The following PDZRN4 variants were observed in gnomAD, a reference collection of about 807,000 sequenced individuals.
PDZRN4 encodes PDZ domain-containing RING finger protein 4.
In PDZRN4, 70 loss-of-function variants were observed where a neutral mutation model predicts 99.0. The ratio of observed to expected loss-of-function variants is 0.71; its 90% CI spans 0.58 to 0.86. PDZRN4 has a LOEUF of 0.86. PDZRN4 is among the 40% of genes least tolerant of loss of function. The pLI, the probability that PDZRN4 is intolerant of heterozygous loss-of-function variation, is 0.00. For synonymous variants in PDZRN4, 551 were observed against 501.6 expected (o/e 1.10, Z -1.32); for missense variants, 1,474 against 1,331.2 (o/e 1.11, Z -1.67).
intron 5 of PDZRN4, among the ~76,000 whole-genome samples, chr12:41,542,470 C>T (rs958430726): frequency 6.6e-6 from 1 of 152,206 alleles, no homozygotes; most frequent in African/African-American, 2.4e-5. Context: ...ACAAACGAAG[C>T]TCTCCACCTT....
chr12:41,544,315 A>C (rs1465864256), intron 5 of PDZRN4, among the ~76,000 whole-genome samples: 7 of 152,196 alleles, frequency 4.6e-5, no homozygotes, highest in Admixed American at 3.9e-4. Flanking sequence ...GGTCACATCT[A>C]TTGTTTGTAC....
chr12:41,280,263 G>A (rs551219539), intron 3 of PDZRN4, among the ~76,000 whole-genome samples: 2 of 152,264 alleles, frequency 1.3e-5, no homozygotes, highest in African/African-American at 4.8e-5. Context: ...CAGGGCCCTG[G>A]GTTTCTAGCA....
At chr12:41,288,072 A>G (rs780870707) in intron 3 of PDZRN4, among the ~76,000 whole-genome samples, 59 of 152,198 alleles carry the variant, frequency 3.9e-4, no homozygotes, top group Non-Finnish European at 2.6e-4. Context: ...ATACAACAAT[A>G]TGTTACAAAT....
chr12:41,434,201 A>G (rs540803086), intron 3 of PDZRN4, among the ~76,000 whole-genome samples: 1 of 152,258 alleles, frequency 6.6e-6, no homozygotes, highest in Admixed American at 6.5e-5. Context: ...TGAAACTGGA[A>G]TATGCACCTG....
Position 41,188,638 on chromosome 12 carries a change from C to T in PDZRN4, c.183C>T (p.Pro61=). Residue 61 remains proline, a synonymous_variant, in exon 1 of 10, where the codon CCC becomes CCT. Coordinates refer to ENST00000402685, the MANE Select transcript of PDZRN4 (RefSeq NM_001164595.2). ...CGCTGCAGTGCCAGCCCTTGGCGCC[C>T]GGCGAGCTGTACCGGGTGCTGCCGC... is the stretch of plus-strand genomic sequence containing the variant. ...RCPLQCQPLA[P]GELYRVLPLR... The T allele has an allele frequency of 1.3e-6, 2 of 1,541,172 alleles. No individual in the cohort carries two copies. Among genetic ancestry groups the T allele is most frequent in the Non-Finnish European group, 1.7e-6 (2 of 1,150,684 alleles).
At chr12:41,565,610 A>G (rs1939355666) in intron 8 of PDZRN4, among the ~76,000 whole-genome samples, 1 of 152,032 alleles carries the variant, frequency 6.6e-6, no homozygotes, top group South Asian at 2.1e-4. Flanking sequence ...TAACGTTTCA[A>G]ATACTCTCTA....
At chr12:41,189,178 A>G (rs1346542359) in intron 1 of PDZRN4, 75 bp downstream of exon 1, 10 of 1,416,128 alleles carry the variant, frequency 7.1e-6, no homozygotes, top group Non-Finnish European at 9.6e-6. Flanking sequence ...CTGACGCTTC[A>G]GGATTCCTTT....
intron 3 of PDZRN4, among the ~76,000 whole-genome samples, chr12:41,480,385 T>A: frequency 6.6e-6 from 1 of 152,344 alleles, no homozygotes; most frequent in Middle Eastern, 3.4e-3. Context: ...TATCTATTTA[T>A]TATATTACGA....
intron 3 of PDZRN4, among the ~76,000 whole-genome samples, chr12:41,350,301 C>A (rs1951881189): frequency 6.6e-6 from 1 of 151,974 alleles, no homozygotes; most frequent in African/African-American, 2.4e-5. Context: ...TGAAGCAATT[C>A]CAGAGTTTAG....
At chr12:41,206,494 A>G (rs1950851618) in intron 3 of PDZRN4, among the ~76,000 whole-genome samples, 1 of 145,674 alleles carries the variant, frequency 6.9e-6, no homozygotes, top group African/African-American at 2.8e-5. Flanking sequence ...TACCATATTA[A>G]TAAATTATTA....
chr12:41,235,622 G>GA (rs1011662158), intron 3 of PDZRN4, among the ~76,000 whole-genome samples: 5 of 152,016 alleles, frequency 3.3e-5, no homozygotes, highest in African/African-American at 9.6e-5. Flanking sequence ...ATGTTTTTTA[G>GA]AAAAAAATAG....
intron 5 of PDZRN4, among the ~76,000 whole-genome samples, chr12:41,524,847 T>A (rs1938545741): frequency 6.6e-6 from 1 of 152,112 alleles, no homozygotes; most frequent in East Asian, 1.9e-4. Context: ...AAGAGGTGAT[T>A]GTGTTAATTC....
chr12:41,234,112 A>G lies in PDZRN4; in HGVS notation c.843+39924A>G, dbSNP rs545901271. ...TCAAAAAAGCCAACCTTTGGAAAGCATCTGCTTGATAATATATATTGATAG... is the reference window on the plus strand; with the variant it reads ...TCAAAAAAGCCAACCTTTGGAAAGCGTCTGCTTGATAATATATATTGATAG... On this transcript the variant is annotated intron_variant, in intron 3 of 9. Coordinates refer to ENST00000402685, the MANE Select transcript of PDZRN4 (RefSeq NM_001164595.2). Among the ~76,000 whole-genome samples, 237 of 152,104 alleles carry G rather than the reference A, an allele frequency of 1.6e-3. 2 individuals are homozygous for G. The highest frequency in any genetic ancestry group is 5.6e-3 in the African/African-American group (231 of 41,514).
At chr12:41,430,284 A>G (rs889261862) in intron 3 of PDZRN4, among the ~76,000 whole-genome samples, 8 of 152,140 alleles carry the variant, frequency 5.3e-5, no homozygotes. Flanking sequence ...CCTGGCCAAC[A>G]TGGTGAAATC....
intron 3 of PDZRN4, among the ~76,000 whole-genome samples, chr12:41,336,105 A>T (rs1195814903): frequency 6.6e-6 from 1 of 152,228 alleles, no homozygotes; most frequent in East Asian, 1.9e-4. Flanking sequence ...TTTTTATTGC[A>T]TGCGGACGCA....
chr12:41,368,612 C>T (rs774030840), intron 3 of PDZRN4, among the ~76,000 whole-genome samples: 38 of 152,132 alleles, frequency 2.5e-4, no homozygotes, highest in Middle Eastern at 3.2e-3. Flanking sequence ...CCAGTCTAGT[C>T]TTCCCCGTTT....
At chr12:41,200,456 C>T (rs1221766988) in intron 3 of PDZRN4, among the ~76,000 whole-genome samples, 1 of 152,100 alleles carries the variant, frequency 6.6e-6, no homozygotes, top group Non-Finnish European at 1.5e-5. Context: ...GTGTTAAGCA[C>T]TGTTATATCC....
intron 3 of PDZRN4, among the ~76,000 whole-genome samples, chr12:41,419,407 C>T (rs1287928553): frequency 1.3e-5 from 2 of 152,068 alleles, no homozygotes; most frequent in Non-Finnish European, 2.9e-5. Flanking sequence ...ACCCAAGTGC[C>T]CCTCAGACAG....
chr12:41,451,384 C>T (rs1383093433), intron 3 of PDZRN4, among the ~76,000 whole-genome samples: 3 of 152,276 alleles, frequency 2.0e-5, no homozygotes, highest in East Asian at 3.9e-4. Flanking sequence ...TGTGACTGCA[C>T]ATTTTTGTTC....
Sources: gnomAD v4.1 joint callset for allele counts (sites outside exome capture counted in the v4.1 genomes callset) on GRCh38, gnomAD v4.1.1 for gene constraint, MANE v1.5 for transcripts, NCBI Gene and HGNC (gene_info 2026-07-23, HGNC 2026-07-21) for gene names.